IQSEC3: variants seen among roughly 807,000 people sequenced by gnomAD.
IQSEC3 encodes IQ motif and Sec7 domain ArfGEF 3.
IQSEC3 carries 50 observed loss-of-function variants against 105.4 expected under a neutral mutation model. That is an observed-to-expected ratio of 0.47 (90% CI 0.38 to 0.60). IQSEC3 has a LOEUF of 0.60. Among genes scored for constraint, IQSEC3 ranks in the 20% least tolerant of loss-of-function variants. IQSEC3 has a pLI of 0.00. For missense variants in IQSEC3, 1,415 were observed against 1,630.0 expected, an observed-to-expected ratio of 0.87 and a Z score of 2.27; for synonymous variants, 708 against 746.0, an observed-to-expected ratio of 0.95 and a Z score of 0.83.
At chr12:110,628 T>A (rs1555079286) in intron 2 of IQSEC3, among the ~76,000 whole-genome samples, 1 of 152,154 alleles carries the variant, frequency 6.6e-6, no homozygotes, top group African/African-American at 2.4e-5. Context: ...TGGTCATGGC[T>A]GCCCTTATAA....
At chr12:171,056 G>A in intron 12 of IQSEC3, 56 bp from the exon 13 acceptor site, 1 of 1,604,876 alleles carries the variant, frequency 6.2e-7, no homozygotes, top group East Asian at 2.2e-5. Flanking sequence ...ACAGGGGAGG[G>A]GCAGGGGCTT....
In IQSEC3 at chr12:116,091, A is replaced by G. The variant is rs537670822; in HGVS notation, c.624-9542A>G. 2.6e-4 allele frequency among the ~76,000 whole-genome samples: 39 copies of G among 152,342 alleles called. No homozygotes were observed. In the South Asian group the frequency reaches 2.7e-3, roughly 11 times the overall value. Reference sequence around the variant, plus strand: ...AAAATAAAACATGGGACGTCCCAAAAGAGAAGATAGTTGCTACTTACTAGG... The same window carrying G: ...AAAATAAAACATGGGACGTCCCAAAGGAGAAGATAGTTGCTACTTACTAGG... On this transcript the variant is annotated intron_variant, in intron 2 of 13. Coordinates refer to ENST00000538872, the MANE Select transcript of IQSEC3 (RefSeq NM_001170738.2).
intron 1 of IQSEC3, among the ~76,000 whole-genome samples, chr12:72,978 A>G (rs1332870673): frequency 3.8e-4 from 52 of 137,126 alleles, no homozygotes; most frequent in South Asian, 7.6e-4. Flanking sequence ...CCCAGGAGGC[A>G]GAGCTTGCAG....
In IQSEC3 at chr12:152,998, C is replaced by T. The variant is rs567645169; in HGVS notation, c.2154-4027C>T. On this transcript the variant is annotated intron_variant, in intron 5 of 13. Coordinates refer to ENST00000538872, the MANE Select transcript of IQSEC3 (RefSeq NM_001170738.2). This position sits in a 1 kb window ranked among gnomAD's most constrained non-coding sequence, Gnocchi z 4.8. ...CCACACTCAGCTCCCCAAGAGGATT[C>T]CAGGGCAGCAAAGAAGGCTGGAAAG... is the stretch of plus-strand genomic sequence containing the variant. Among the ~76,000 whole-genome samples, 45 of 152,160 alleles carry T rather than the reference C, an allele frequency of 3.0e-4. No homozygotes were observed. The highest frequency in any genetic ancestry group is 9.6e-4 in the African/African-American group (40 of 41,510).
In IQSEC3 at chr12:99,242, C is replaced by T. The variant is rs374581605; in HGVS notation, c.623+28C>T. The T allele has an allele frequency of 5.5e-5, 88 of 1,587,454 alleles. No homozygotes were observed. In the African/African-American group the frequency reaches 7.0e-4, roughly 13 times the overall value. ...GGGAACTGTGGCCCTTCCTCCCTTC[C>T]GCATCCCCACCTTCCTTCCTGTTAC... On this transcript the variant is annotated intron_variant, in intron 2 of 13. Transcript: ENST00000538872.
chr12:138,257 G>A lies in IQSEC3; in HGVS notation c.904-10G>A, dbSNP rs781841896. On this transcript the variant is annotated splice_polypyrimidine_tract_variant and intron_variant, in intron 3 of 13. Coordinates refer to ENST00000538872, the MANE Select transcript of IQSEC3 (RefSeq NM_001170738.2). The surrounding 1 kb of genome is among the most constrained non-coding windows in gnomAD (Gnocchi z 7.1). ...TGAGCCCTTCCTCCTCTCTGTCCTC[G>A]TCCTTGCAGATTGAAATGCTAGAAC... 1.3e-5 allele frequency: 21 copies of A among 1,604,682 alleles called. No homozygotes were observed. The highest frequency in any genetic ancestry group is 1.7e-5 in the Non-Finnish European group (20 of 1,173,836).
intron 1 of IQSEC3, among the ~76,000 whole-genome samples, chr12:71,009 C>T (rs1863294020): frequency 6.6e-6 from 1 of 152,268 alleles, no homozygotes; most frequent in South Asian, 2.1e-4. Flanking sequence ...TCTTCTCTTC[C>T]TTCTATCCTT....
intron 1 of IQSEC3, among the ~76,000 whole-genome samples, chr12:90,017 C>A (rs1026884084): frequency 2.0e-5 from 3 of 152,240 alleles, no homozygotes; most frequent in Non-Finnish European, 4.4e-5. Context: ...AAGTGTGGCA[C>A]TATTTTGCAT....
intron 1 of IQSEC3, among the ~76,000 whole-genome samples, chr12:73,636 C>G (rs1555068134): frequency 1.3e-5 from 2 of 152,068 alleles, no homozygotes; most frequent in South Asian, 4.1e-4. Context: ...CGCCACTGCA[C>G]TCCAGTCTGG....
intron 2 of IQSEC3, among the ~76,000 whole-genome samples, chr12:111,175 A>C (rs1231322103): frequency 6.6e-6 from 1 of 152,118 alleles, no homozygotes; most frequent in African/African-American, 2.4e-5. Context: ...TTAATTCACT[A>C]ATCCAACAAA....
intron 1 of IQSEC3, among the ~76,000 whole-genome samples, chr12:72,050 A>C (rs71271031): frequency 7.2e-5 from 11 of 151,858 alleles, no homozygotes; most frequent in Admixed American, 3.9e-4. Context: ...AAGTCATCCC[A>C]TGGTCTCTGG....
chr12:171,147 G>A lies in IQSEC3; in HGVS notation c.3100G>A (p.Glu1034Lys), dbSNP rs375024262. The A allele has an allele frequency of 1.7e-5, 28 of 1,613,978 alleles. No individual in the cohort carries two copies. The highest frequency in any genetic ancestry group is 2.4e-5 in the Non-Finnish European group (28 of 1,179,984). Reference sequence around the variant, plus strand: ...AGCCGCGCTCAGGGAGAGGCCGGCGGAGAGCACGGTGGAGGTAAGTGGAGC... The same window carrying A: ...AGCCGCGCTCAGGGAGAGGCCGGCGAAGAGCACGGTGGAGGTAAGTGGAGC... ...REAALRERPA[E>K]STVEVSIHNR... Residue 1034 changes from glutamate to lysine, a missense_variant, in exon 13 of 14, where the codon GAG becomes AAG. Physicochemically the swap from Glu to Lys is moderately conservative, Grantham distance 56. Coordinates refer to ENST00000538872, the MANE Select transcript of IQSEC3 (RefSeq NM_001170738.2).
At chr12:78,048 G>A (rs1555069743) in intron 1 of IQSEC3, among the ~76,000 whole-genome samples, 2 of 151,026 alleles carry the variant, frequency 1.3e-5, no homozygotes, top group African/African-American at 4.8e-5. Flanking sequence ...GCCTCCGCGC[G>A]CCCCCGCCGC....
At chr12:121,330 A>G (rs959545472) in intron 2 of IQSEC3, among the ~76,000 whole-genome samples, 1 of 152,238 alleles carries the variant, frequency 6.6e-6, no homozygotes, top group South Asian at 2.1e-4. Flanking sequence ...TAAGGTGAAG[A>G]TTCCAGCCTC....
At chr12:168,452 T>C (rs2137063978) in intron 11 of IQSEC3, among the ~76,000 whole-genome samples, 1 of 152,280 alleles carries the variant, frequency 6.6e-6, no homozygotes, top group African/African-American at 2.4e-5. Flanking sequence ...GTGTCACCCC[T>C]GTCAGCAGGC....
chr12:99,617 AT>A (rs1864356392), intron 2 of IQSEC3, among the ~76,000 whole-genome samples: 1 of 152,202 alleles, frequency 6.6e-6, no homozygotes, highest in South Asian at 2.1e-4. Flanking sequence ...TCAAGGATTT[AT>A]ACTTTTCTTT....
chr12:135,003 A>ATG (rs1865716144), intron 3 of IQSEC3, among the ~76,000 whole-genome samples: 2 of 151,922 alleles, frequency 1.3e-5, no homozygotes, highest in Non-Finnish European at 2.9e-5. Flanking sequence ...AGTGGCGCAC[A>ATG]CCTGTAATCC....
intron 2 of IQSEC3, among the ~76,000 whole-genome samples, chr12:99,875 C>T (rs1864366014): frequency 6.6e-6 from 1 of 152,206 alleles, no homozygotes; most frequent in Non-Finnish European, 1.5e-5. Context: ...GCATCTGCCT[C>T]TGTCTCTCTG....
chr12:170,587 G>A (rs782165031), intron 12 of IQSEC3, among the ~76,000 whole-genome samples: 1 of 152,240 alleles, frequency 6.6e-6, no homozygotes, highest in Non-Finnish European at 1.5e-5. Flanking sequence ...GGGTCCGCAG[G>A]GCCCCTGCTG....
Sources: gnomAD v4.1 joint callset for allele counts (sites outside exome capture counted in the v4.1 genomes callset) on GRCh38, gnomAD v4.1.1 for gene constraint, Gnocchi (gnomAD v3.1) non-coding constraint, MANE v1.5 for transcripts, NCBI Gene and HGNC (gene_info 2026-07-23, HGNC 2026-07-21) for gene names.